Variants in HS6ST3 observed in about 807,000 individuals in gnomAD.
The protein encoded by HS6ST3 is heparan sulfate 6-O-sulfotransferase 3.
HS6ST3 carries 12 observed loss-of-function variants against 36.7 expected under a neutral mutation model. The ratio of observed to expected loss-of-function variants is 0.33; its 90% CI spans 0.21 to 0.53. HS6ST3 has a LOEUF of 0.53. Ranked by LOEUF, HS6ST3 falls within the 20% of genes least tolerant of loss-of-function variation. The pLI is 0.95. For missense variants in HS6ST3, 584 were observed against 640.9 expected, an observed-to-expected ratio of 0.91 and a Z score of 0.96; for synonymous variants, 240 against 257.5, an observed-to-expected ratio of 0.93 and a Z score of 0.65.
intron 1 of HS6ST3, among the ~76,000 whole-genome samples, chr13:96,772,381 G>A (rs1389076545): frequency 6.6e-6 from 1 of 152,194 alleles, no homozygotes; most frequent in South Asian, 2.1e-4. Flanking sequence ...AATTAAAGAA[G>A]AGCAAAGAGA....
rs749347270 is a variant in HS6ST3, at chr13:96,832,987, T to A, written c.1205T>A (p.Phe402Tyr). 1 of 1,614,098 alleles carries A rather than the reference T, an allele frequency of 6.2e-7. No homozygotes were observed. Among genetic ancestry groups the A allele is most frequent in the Non-Finnish European group, 8.5e-7 (1 of 1,180,002 alleles). ...GARQRIEDLN[F>Y]LDMQLYEYAK... ...CGCCAACGCATTGAGGATCTAAACT[T>A]CCTGGACATGCAGCTTTACGAGTAT... Residue 402 changes from phenylalanine to tyrosine, a missense_variant, in exon 2 of 2, where the codon TTC becomes TAC. By Grantham distance (22) the Phe-to-Tyr change is conservative. Transcript: ENST00000376705.
intron 1 of HS6ST3, among the ~76,000 whole-genome samples, chr13:96,477,698 C>T (rs986859010): frequency 3.3e-5 from 5 of 151,896 alleles, no homozygotes; most frequent in East Asian, 3.9e-4. Flanking sequence ...GGTGAAACCC[C>T]GTCTCTACTA....
intron 1 of HS6ST3, among the ~76,000 whole-genome samples, chr13:96,706,822 A>G (rs1875440110): frequency 6.6e-6 from 1 of 152,074 alleles, no homozygotes; most frequent in South Asian, 2.1e-4. Context: ...TCTAGTTCTG[A>G]TTGTACCAAT....
intron 1 of HS6ST3, among the ~76,000 whole-genome samples, chr13:96,296,051 T>G (rs1436010377): frequency 6.6e-6 from 1 of 152,114 alleles, no homozygotes; most frequent in Non-Finnish European, 1.5e-5. Flanking sequence ...CTATTTACAT[T>G]TAAATAAAAA....
At chr13:96,825,947 CT>C (rs917331546) in intron 1 of HS6ST3, among the ~76,000 whole-genome samples, 1 of 152,116 alleles carries the variant, frequency 6.6e-6, no homozygotes, top group Non-Finnish European at 1.5e-5. Context: ...GCATTTTCTT[CT>C]TTTTTTATGT....
chr13:96,376,307 C>A (rs185874218), intron 1 of HS6ST3, among the ~76,000 whole-genome samples: 1 of 152,144 alleles, frequency 6.6e-6, no homozygotes, highest in South Asian at 2.1e-4. Flanking sequence ...GAACTACAGA[C>A]GCTAATCTGT....
At chr13:96,713,512 C>G (rs1875617295) in intron 1 of HS6ST3, among the ~76,000 whole-genome samples, 1 of 152,142 alleles carries the variant, frequency 6.6e-6, no homozygotes. Context: ...AGATTCTGAA[C>G]ACCTCTCATA....
intron 1 of HS6ST3, among the ~76,000 whole-genome samples, chr13:96,740,654 G>T (rs572036685): frequency 1.8e-4 from 28 of 152,214 alleles, no homozygotes; most frequent in African/African-American, 5.3e-4. Flanking sequence ...GTCAGTAAGG[G>T]GAGAATTGGT....
intron 1 of HS6ST3, among the ~76,000 whole-genome samples, chr13:96,596,446 A>G (rs1044829735): frequency 3.2e-4 from 49 of 152,154 alleles, no homozygotes; most frequent in African/African-American, 1.1e-3. Context: ...CCTTTTTGAT[A>G]TAATGACTTC....
chr13:96,774,056 G>A (rs183111984), intron 1 of HS6ST3, among the ~76,000 whole-genome samples: 70 of 152,212 alleles, frequency 4.6e-4, no homozygotes, highest in African/African-American at 8.9e-4. Context: ...GTGGACCTCC[G>A]GCAAACTCCA....
chr13:96,224,563 C>G (rs2054471288), intron 1 of HS6ST3, among the ~76,000 whole-genome samples: 1 of 152,182 alleles, frequency 6.6e-6, no homozygotes, highest in Non-Finnish European at 1.5e-5. Flanking sequence ...GATCCTCCTG[C>G]CTTGGCCTCC....
rs115054165 is a variant in HS6ST3, at chr13:96,197,343, G to T, written c.707+105774G>T. The stretch of plus-strand genomic sequence containing the variant: ...AATCACTATCGTGAGAATAGCACAG[G>T]AAAGACAGGCCCCCATGATGCAGTT... On this transcript the variant is annotated intron_variant, in intron 1 of 1. Coordinates refer to ENST00000376705, the MANE Select transcript of HS6ST3 (RefSeq NM_153456.4). 9.7e-3 allele frequency among the ~76,000 whole-genome samples: 1,470 copies of T among 152,250 alleles called. 24 individuals are homozygous for T. Among genetic ancestry groups the T allele is most frequent in the African/African-American group, 0.034 (1,410 of 41,546 alleles).
At chr13:96,369,913 C>T (rs1190924919) in intron 1 of HS6ST3, among the ~76,000 whole-genome samples, 1 of 151,638 alleles carries the variant, frequency 6.6e-6, no homozygotes, top group African/African-American at 2.4e-5. Context: ...TTAGTAGAAA[C>T]TGGGTGAAAT....
At chr13:96,829,920 C>T (rs1160250460) in intron 1 of HS6ST3, among the ~76,000 whole-genome samples, 1 of 152,102 alleles carries the variant, frequency 6.6e-6, no homozygotes, top group South Asian at 2.1e-4. Context: ...AGGAATCAGA[C>T]ATCCTTTGAT....
intron 1 of HS6ST3, among the ~76,000 whole-genome samples, chr13:96,497,701 A>G (rs574382696): frequency 6.6e-6 from 1 of 152,232 alleles, no homozygotes; most frequent in African/African-American, 2.4e-5. Flanking sequence ...CCCTAGGTTA[A>G]TATTGTAAAA....
At chr13:96,826,705 G>T (rs1046399411) in intron 1 of HS6ST3, among the ~76,000 whole-genome samples, 3 of 152,172 alleles carry the variant, frequency 2.0e-5, no homozygotes, top group Non-Finnish European at 4.4e-5. Context: ...TCATACCTTT[G>T]TGTTGTATTT....
At chr13:96,748,208 C>T (rs959208022) in intron 1 of HS6ST3, among the ~76,000 whole-genome samples, 2 of 152,060 alleles carry the variant, frequency 1.3e-5, no homozygotes, top group African/African-American at 4.8e-5. Flanking sequence ...TCAAAGCGCA[C>T]GTACAACTCC....
intron 1 of HS6ST3, among the ~76,000 whole-genome samples, chr13:96,148,199 A>G (rs1322187249): frequency 6.6e-6 from 1 of 152,256 alleles, no homozygotes; most frequent in Non-Finnish European, 1.5e-5. Context: ...TCTTGTTTAT[A>G]TAATAACTAG....
chr13:96,583,213 T>TTTTA, intron 1 of HS6ST3, among the ~76,000 whole-genome samples: 1 of 109,096 alleles, frequency 9.2e-6, no homozygotes, highest in African/African-American at 3.7e-5. Context: ...TCTTTTTTTT[T>TTTTA]TTTTTTTTTT....
Sources: allele counts gnomAD v4.1 joint callset (sites outside exome capture counted in the v4.1 genomes callset), GRCh38; gene constraint gnomAD v4.1.1; transcripts MANE v1.5; gene names NCBI Gene and HGNC (gene_info 2026-07-23, HGNC 2026-07-21).